GRB10: variants seen among roughly 807,000 people sequenced by gnomAD.
GRB10 encodes growth factor receptor bound protein 10.
In GRB10, 20 loss-of-function variants were observed where a neutral mutation model predicts 80.9. The ratio of observed to expected loss-of-function variants is 0.25; its 90% CI spans 0.17 to 0.36. The LOEUF (loss-of-function observed/expected upper bound fraction) is 0.36, where lower values mean the gene tolerates loss of function less well. Ranked by LOEUF, GRB10 falls within the 10% of genes least tolerant of loss-of-function variation. The probability of loss-of-function intolerance (pLI) is 1.00; values close to 1 mark genes in which losing one functional copy is unlikely to be tolerated. For synonymous variants in GRB10, 291 were observed against 291.5 expected (o/e 1.00, Z 0.02); for missense variants, 548 against 747.7 (o/e 0.73, Z 3.12).
intron 4 of GRB10, among the ~76,000 whole-genome samples, chr7:50,712,448 A>C (rs1170090119): frequency 6.6e-6 from 1 of 152,250 alleles, no homozygotes; most frequent in Admixed American, 6.5e-5. Flanking sequence ...CTTTACTTAC[A>C]ATTGTATTCA....
intron 10 of GRB10, among the ~76,000 whole-genome samples, chr7:50,616,631 T>C (rs917157835): frequency 3.3e-4 from 50 of 152,208 alleles, no homozygotes; most frequent in Non-Finnish European, 3.7e-4. Context: ...TCCAGTCTGA[T>C]ATCAGACTGA....
chr7:50,789,374 A>G lies in GRB10; in HGVS notation c.-294+3850T>C, dbSNP rs116372807. Among the ~76,000 whole-genome samples, 1,117 of 152,348 alleles carry G rather than the reference A, an allele frequency of 7.3e-3. 17 individuals carry two copies. The highest frequency in any genetic ancestry group is 0.025 in the African/African-American group (1,051 of 41,580). ...ACTGCATGAGCTCTGCATCGTGCCA[A>G]TCACACACATCACACCTCGTGCTAC... On this transcript the variant is annotated intron_variant, in intron 1 of 16. Coordinates refer to the GRB10 transcript ENST00000335866.
chr7:50,611,585 T>C (rs1260879266), intron 13 of GRB10, among the ~76,000 whole-genome samples: 3 of 152,194 alleles, frequency 2.0e-5, no homozygotes, highest in Admixed American at 1.3e-4. Context: ...CAGCATCCTA[T>C]AAAAATGGCA....
chr7:50,689,978 T>C (rs1465342888), intron 5 of GRB10, among the ~76,000 whole-genome samples: 1 of 150,526 alleles, frequency 6.6e-6, no homozygotes, highest in Non-Finnish European at 1.5e-5. Context: ...TTAGTACTGG[T>C]TAATTGTGGT....
chr7:50,708,262 C>T (rs1226523549), intron 4 of GRB10, among the ~76,000 whole-genome samples: 1 of 152,038 alleles, frequency 6.6e-6, no homozygotes, highest in South Asian at 2.1e-4. Flanking sequence ...TTATGAAATT[C>T]CAAGGTCAAA....
intron 7 of GRB10, among the ~76,000 whole-genome samples, chr7:50,637,443 C>A (rs906769237): frequency 1.3e-5 from 2 of 152,066 alleles, no homozygotes; most frequent in Non-Finnish European, 2.9e-5. Context: ...TGGCCACACA[C>A]ACACACACAA....
chr7:50,765,870 T>C (rs7785908), intron 2 of GRB10, among the ~76,000 whole-genome samples: 95,438 of 151,608 alleles, frequency 0.63, 32,364 homozygotes, highest in Middle Eastern at 0.87. Context: ...TTTAAGGTGG[T>C]GGGTATATTA....
chr7:50,691,062 TATTAAGA>T (rs1161823894), intron 5 of GRB10, among the ~76,000 whole-genome samples: 1 of 152,124 alleles, frequency 6.6e-6, no homozygotes, highest in Non-Finnish European at 1.5e-5. Flanking sequence ...CTATCTTCCT[TATTAAGA>T]CAAATGATCT....
At chr7:50,652,184 CAAG>C (rs1203258791) in intron 7 of GRB10, among the ~76,000 whole-genome samples, 5 of 152,174 alleles carry the variant, frequency 3.3e-5, no homozygotes, top group African/African-American at 7.2e-5. Context: ...TAAATTAAAA[CAAG>C]AACTCCATCT....
rs6953369 is a variant in GRB10 at position 50,685,090 on chromosome 7, C to A, written c.140-10432G>T. ...ACCGGGGAATCTTTACCATCACATCCAATGTTAACACTCTATGATTCTGTG... is the reference window on the plus strand; with the variant it reads ...ACCGGGGAATCTTTACCATCACATCAAATGTTAACACTCTATGATTCTGTG... On this transcript the variant is annotated intron_variant, in intron 5 of 18. Coordinates refer to ENST00000401949, the MANE Select transcript of GRB10 (RefSeq NM_001350814.2). Among the ~76,000 whole-genome samples, 700 of 152,284 alleles carry A rather than the reference C, an allele frequency of 4.6e-3. 4 individuals are homozygous for A. The highest frequency in any genetic ancestry group is 0.016 in the African/African-American group (681 of 41,556).
intron 5 of GRB10, among the ~76,000 whole-genome samples, chr7:50,691,624 T>C (rs2062826425): frequency 6.6e-6 from 1 of 152,212 alleles, no homozygotes; most frequent in African/African-American, 2.4e-5. Context: ...TAACTGTAGG[T>C]TGCAGAATAA....
At chr7:50,743,197 T>A (rs1387425142) in intron 3 of GRB10, among the ~76,000 whole-genome samples, 1 of 152,232 alleles carries the variant, frequency 6.6e-6, no homozygotes, top group Non-Finnish European at 1.5e-5. Flanking sequence ...ACCTCATTGC[T>A]TCCAACTGCA....
In GRB10 at chr7:50,743,810, C is replaced by G. The variant is rs540552675; in HGVS notation, c.-46-11442G>C. 8.5e-5 allele frequency among the ~76,000 whole-genome samples: 13 copies of G among 152,244 alleles called. No individual in the cohort carries two copies. In the South Asian group the frequency reaches 2.7e-3, roughly 32 times the overall value. ...TCTTCCCTTTTGCCGTGCTGTGGTC[C>G]ACACACAGACATGAATGCCCAGGGC... On this transcript the variant is annotated intron_variant, in intron 3 of 18. Transcript: ENST00000401949.
intron 3 of GRB10, among the ~76,000 whole-genome samples, chr7:50,753,295 G>C (rs757771): frequency 0.064 from 9,720 of 152,262 alleles, 700 homozygotes; most frequent in Admixed American, 0.18. Flanking sequence ...TCAACTGTTA[G>C]GTCAAGCAAA....
At chr7:50,722,041 A>G (rs1563595811) in intron 4 of GRB10, among the ~76,000 whole-genome samples, 1 of 152,198 alleles carries the variant, frequency 6.6e-6, no homozygotes, top group Non-Finnish European at 1.5e-5. Flanking sequence ...GGCCAAAGAC[A>G]GGCTGAGGAG....
intron 4 of GRB10, among the ~76,000 whole-genome samples, chr7:50,715,262 G>A (rs2066670701): frequency 6.6e-6 from 1 of 151,612 alleles, no homozygotes; most frequent in Admixed American, 6.6e-5. Context: ...CAGCTTCCAG[G>A]TGCAAGCAGA....
chr7:50,606,465 G>T (rs41315249), intron 13 of GRB10, 51 bp from the exon 14 acceptor site: 1 of 1,346,356 alleles, frequency 7.4e-7, no homozygotes, highest in African/African-American at 1.4e-5. Flanking sequence ...CCCGAGGCCC[G>T]GCATGTGACA....
chr7:50,699,862 G>A (rs949504448), intron 5 of GRB10, among the ~76,000 whole-genome samples: 27 of 152,126 alleles, frequency 1.8e-4, no homozygotes, highest in Non-Finnish European at 3.4e-4. Context: ...GGGGCCAGGC[G>A]CGGTGGCTCA....
intron 4 of GRB10, among the ~76,000 whole-genome samples, chr7:50,712,860 G>A (rs1473667224): frequency 6.6e-6 from 1 of 152,200 alleles, no homozygotes; most frequent in East Asian, 1.9e-4. Flanking sequence ...AATTTCATCT[G>A]TTGGAAGTGT....
Sources: allele counts gnomAD v4.1 joint callset (sites outside exome capture counted in the v4.1 genomes callset), GRCh38; gene constraint gnomAD v4.1.1; transcripts MANE v1.5; gene names NCBI Gene and HGNC (gene_info 2026-07-23, HGNC 2026-07-21).